The following HAO1 variants were observed in gnomAD, a reference collection of about 807,000 sequenced individuals.
The protein encoded by HAO1 is hydroxyacid oxidase 1.
In HAO1, 34 loss-of-function variants were observed where a neutral mutation model predicts 39.7. The ratio of observed to expected loss-of-function variants is 0.86; its 90% CI spans 0.65 to 1.14. The LOEUF (loss-of-function observed/expected upper bound fraction) is 1.14. HAO1 is among the 50% of genes most tolerant of loss of function. The pLI is 0.00. For missense variants in HAO1, 479 were observed against 464.5 expected, an observed-to-expected ratio of 1.03 and a Z score of -0.29; for synonymous variants, 172 against 173.2, an observed-to-expected ratio of 0.99 and a Z score of 0.05.
intron 3 of HAO1, among the ~76,000 whole-genome samples, chr20:7,911,823 T>C (rs1272491209): frequency 2.0e-5 from 3 of 152,234 alleles, no homozygotes; most frequent in African/African-American, 7.2e-5. Flanking sequence ...CTTCACTTTC[T>C]ATGAGTCAGG....
chr20:7,887,475 G>A (rs2050155885), intron 5 of HAO1, among the ~76,000 whole-genome samples: 1 of 152,058 alleles, frequency 6.6e-6, no homozygotes, highest in African/African-American at 2.4e-5. Context: ...CTAAATGTTT[G>A]GCAGGTAAGG....
intron 4 of HAO1, among the ~76,000 whole-genome samples, 189 bp from the exon 5 acceptor site, chr20:7,895,413 AC>A (rs1209272811): frequency 5.3e-5 from 8 of 151,470 alleles, no homozygotes; most frequent in African/African-American, 2.0e-4. Flanking sequence ...GCCAAAAACA[AC>A]AAAAAAATGT....
intron 3 of HAO1, among the ~76,000 whole-genome samples, chr20:7,908,584 C>G (rs564156323): frequency 6.6e-5 from 10 of 152,044 alleles, no homozygotes; most frequent in Non-Finnish European, 1.5e-4. Flanking sequence ...ATTCCTATCC[C>G]ATATAACTCA....
chr20:7,894,315 G>A (rs1462283644), intron 5 of HAO1, among the ~76,000 whole-genome samples: 1 of 152,112 alleles, frequency 6.6e-6, no homozygotes, highest in African/African-American at 2.4e-5. Flanking sequence ...CTTCGATACA[G>A]TTGTATTCAG....
intron 1 of HAO1, among the ~76,000 whole-genome samples, chr20:7,935,442 T>G (rs1423338771): frequency 1.3e-5 from 2 of 152,238 alleles, no homozygotes; most frequent in East Asian, 1.9e-4. Context: ...ATGTCTAGTT[T>G]GTCTTCTTTT....
At chr20:7,920,313 A>G (rs921858388) in intron 2 of HAO1, among the ~76,000 whole-genome samples, 8 of 152,146 alleles carry the variant, frequency 5.3e-5, no homozygotes, top group Non-Finnish European at 1.2e-4. Context: ...CCAGCCATAC[A>G]GAACTGTGAG....
intron 5 of HAO1, among the ~76,000 whole-genome samples, 189 bp downstream of exon 5, chr20:7,894,944 A>G (rs1600107070): frequency 6.6e-6 from 1 of 152,234 alleles, no homozygotes; most frequent in Admixed American, 6.5e-5. Flanking sequence ...CTAATTAAAC[A>G]TAAATAAATT....
intron 2 of HAO1, among the ~76,000 whole-genome samples, chr20:7,924,214 G>GTTA (rs2050348602): frequency 6.6e-6 from 1 of 151,236 alleles, no homozygotes; most frequent in Admixed American, 6.6e-5. Context: ...TGTTGTTGTT[G>GTTA]TTGTTGTTGT....
chr20:7,921,619 A>C (rs1048967566), intron 2 of HAO1, among the ~76,000 whole-genome samples: 1 of 152,132 alleles, frequency 6.6e-6, no homozygotes, highest in African/African-American at 2.4e-5. Context: ...TTCCCAAAGG[A>C]CAATAAGTCA....
intron 3 of HAO1, among the ~76,000 whole-genome samples, chr20:7,913,311 C>A (rs2050289359): frequency 6.6e-6 from 1 of 151,822 alleles, no homozygotes; most frequent in Non-Finnish European, 1.5e-5. Flanking sequence ...ATAAAAATGT[C>A]CTCCATTAAA....
At chr20:7,912,759 G>A (rs1367437369) in intron 3 of HAO1, among the ~76,000 whole-genome samples, 2 of 152,124 alleles carry the variant, frequency 1.3e-5, no homozygotes, top group East Asian at 3.9e-4. Context: ...TGGGATATGT[G>A]GAACAGTTTT....
At position 7,906,187 on chromosome 20, in the gene HAO1, A is replaced by G. The variant is rs146825169; in HGVS notation, c.688T>C (p.Ser230Pro). 4,730 of 1,613,432 alleles carry G rather than the reference A, an allele frequency of 2.9e-3. 6 individuals are homozygous for G. The highest frequency in any genetic ancestry group is 3.5e-3 in the Non-Finnish European group (4,151 of 1,179,408). Residue 230 changes from serine to proline, a missense_variant, in exon 4 of 8, where the codon TCA becomes CCA. Physicochemically the swap from Ser to Pro is moderately conservative, Grantham distance 74. Coordinates refer to ENST00000378789, the MANE Select transcript of HAO1 (RefSeq NM_017545.3). ...EDIKWLRRLT[S>P]LPIVAKGILR... ...ATGCCCTTTGCAACAATTGGCAATG[A>G]TGTCAGTCTTCTCAGCCATTTGATA...
At chr20:7,886,081 TC>T (rs2050149974) in intron 5 of HAO1, among the ~76,000 whole-genome samples, 1 of 152,184 alleles carries the variant, frequency 6.6e-6, no homozygotes, top group East Asian at 1.9e-4. Flanking sequence ...AGCTTATTTT[TC>T]TTTTAAAGTG....
intron 1 of HAO1, among the ~76,000 whole-genome samples, chr20:7,935,956 A>G (rs2050408075): frequency 4.6e-5 from 7 of 151,898 alleles, no homozygotes. Flanking sequence ...AAACAGCATG[A>G]CTTTTTAGTA....
At chr20:7,891,610 A>T (rs759935569) in intron 5 of HAO1, among the ~76,000 whole-genome samples, 2 of 152,138 alleles carry the variant, frequency 1.3e-5, no homozygotes, top group African/African-American at 2.4e-5. Flanking sequence ...TCATGAAATC[A>T]TTCCCTAAAC....
intron 2 of HAO1, among the ~76,000 whole-genome samples, chr20:7,929,292 C>T (rs1260917311): frequency 3.9e-5 from 6 of 152,052 alleles, no homozygotes; most frequent in African/African-American, 1.2e-4. Flanking sequence ...ATAAAGATTT[C>T]AGAGACTTTG....
At chr20:7,911,881 C>T (rs1204076267) in intron 3 of HAO1, among the ~76,000 whole-genome samples, 1 of 152,210 alleles carries the variant, frequency 6.6e-6, no homozygotes, top group Admixed American at 6.5e-5. Context: ...AACAGATGAG[C>T]TTTTGGGGTG....
At chr20:7,895,423 G>A (rs1444993529) in intron 4 of HAO1, among the ~76,000 whole-genome samples, 199 bp from the exon 5 acceptor site, 5 of 143,332 alleles carry the variant, frequency 3.5e-5, no homozygotes, top group Non-Finnish European at 7.4e-5. Flanking sequence ...ACAAAAAAAT[G>A]TTACTACTTA....
chr20:7,885,409 A>G, intron 7 of HAO1, 112 bp downstream of exon 7: 1 of 716,734 alleles, frequency 1.4e-6, no homozygotes, highest in South Asian at 1.7e-5. Flanking sequence ...GTCAAATTTA[A>G]TGTACTCAAA....
Sources: gnomAD v4.1 joint callset for allele counts (sites outside exome capture counted in the v4.1 genomes callset) on GRCh38, gnomAD v4.1.1 for gene constraint, MANE v1.5 for transcripts, NCBI Gene and HGNC (gene_info 2026-07-23, HGNC 2026-07-21) for gene names.